Variants in TANK observed in about 807,000 individuals in gnomAD.
TANK encodes TRAF family member associated NFKB activator, also known as TRAF family member-associated NF-kappa-B activator.
TANK carries 15 observed loss-of-function variants against 43.6 expected under a neutral mutation model. The ratio of observed to expected loss-of-function variants is 0.34; its 90% CI spans 0.23 to 0.53. TANK has a LOEUF of 0.53. Ranked by LOEUF, TANK falls within the 20% of genes least tolerant of loss-of-function variation. The probability of loss-of-function intolerance (pLI) is 0.94; values close to 1 mark genes in which losing one functional copy is unlikely to be tolerated. For synonymous variants in TANK, 162 were observed against 178.2 expected (o/e 0.91, Z 0.73); for missense variants, 417 against 498.6 (o/e 0.84, Z 1.56).
upstream of TANK, among the ~76,000 whole-genome samples, chr2:161,157,366 C>T (rs1684255019): frequency 6.6e-6 from 1 of 152,182 alleles, no homozygotes; most frequent in Non-Finnish European, 1.5e-5. Context: ...CAAGGCTTTG[C>T]AACTGAGCAC....
At position 161,235,660 on chromosome 2, in the gene TANK, ACTATATAAC is replaced by A; in HGVS notation, c.*143_*151del. 1 of 618,778 alleles carries A rather than the reference ACTATATAAC, an allele frequency of 1.6e-6. No individual in the cohort carries two copies. Among genetic ancestry groups the A allele is most frequent in the Admixed American group, 3.6e-5 (1 of 27,846 alleles). 38.3% of individuals were successfully genotyped at this position (618,778 alleles called of 1,614,324 possible). A position where few individuals can be genotyped will look rare whatever the true frequency, so the allele number is the denominator to read the frequency against. On this transcript the variant is annotated 3_prime_UTR_variant, in exon 8 of 8. Coordinates refer to ENST00000392749, the MANE Select transcript of TANK (RefSeq NM_001199135.3). ...GCTATTTGAATTTTTTTCTGGATTTACTATATAACTCTTATTTTTTAAAAGATCATTCTG... is the reference window on the plus strand; with the variant it reads ...GCTATTTGAATTTTTTTCTGGATTTATCTTATTTTTTAAAAGATCATTCTG...
At chr2:161,206,415 T>C (rs1686655959) in intron 4 of TANK, among the ~76,000 whole-genome samples, 1 of 152,100 alleles carries the variant, frequency 6.6e-6, no homozygotes, top group African/African-American at 2.4e-5. Flanking sequence ...CTAAATAAAG[T>C]AGGAGATTTT....
Position 161,207,079 on chromosome 2 carries a change from A to G in TANK, c.327+2286A>G, listed in dbSNP as rs576606001. On this transcript the variant is annotated intron_variant, in intron 4 of 7. Transcript: ENST00000392749. ...AAGTTTTAGAGTTTATTTTCAGTCA[A>G]TAAGTATCAAAAGCAGACCTTCAAT... 1.2e-3 allele frequency among the ~76,000 whole-genome samples: 177 copies of G among 152,206 alleles called. 1 individual carries two copies. Among genetic ancestry groups the G allele is most frequent in the African/African-American group, 4.0e-3 (167 of 41,568 alleles).
chr2:161,143,516 T>C (rs1474558582), intron 1 of TANK, among the ~76,000 whole-genome samples: 1 of 152,238 alleles, frequency 6.6e-6, no homozygotes, highest in African/African-American at 2.4e-5. Flanking sequence ...TGAGAGATTT[T>C]AACATGAAGG....
chr2:161,137,652 C>A (rs1683625396), intron 1 of TANK, among the ~76,000 whole-genome samples: 1 of 152,010 alleles, frequency 6.6e-6, no homozygotes, highest in Non-Finnish European at 1.5e-5. Context: ...AAAAATCGAT[C>A]CTGGCCTGAT....
chr2:161,197,221 A>T (rs1017613481), intron 2 of TANK: 2 of 152,212 alleles, frequency 1.3e-5, no homozygotes, highest in Non-Finnish European at 2.9e-5. Flanking sequence ...TTTTCAACAA[A>T]TGTGCGATTT....
At chr2:161,158,649 A>G (rs1199267884), upstream of TANK, among the ~76,000 whole-genome samples, 1 of 152,242 alleles carries the variant, frequency 6.6e-6, no homozygotes, top group East Asian at 1.9e-4. Flanking sequence ...CACTATTTCA[A>G]TCAGAAATCT....
upstream of TANK, among the ~76,000 whole-genome samples, chr2:161,155,463 A>G (rs1439040463): frequency 6.6e-6 from 1 of 152,210 alleles, no homozygotes; most frequent in Non-Finnish European, 1.5e-5. Flanking sequence ...TAAGGGAAGC[A>G]TATCTTCAAT....
At position 161,227,367 on chromosome 2, in the gene TANK, T is replaced by TTC. The variant is rs1687684721; in HGVS notation, c.520+2627_520+2628dup. Among the ~76,000 whole-genome samples the TTC allele has an allele frequency of 2.0e-5, 3 of 152,174 alleles. No individual in the cohort carries two copies. The South Asian group carries it at 6.2e-4, about 31-fold the overall frequency. On this transcript the variant is annotated intron_variant, in intron 6 of 7. Coordinates refer to ENST00000392749, the MANE Select transcript of TANK (RefSeq NM_001199135.3). ...AGCACATTTCTGTCAATTTGGGGAC[T>TTC]TCTCTCTATATATAGAAACCAACAT...
At chr2:161,140,782 T>C (rs1218642589) in intron 1 of TANK, among the ~76,000 whole-genome samples, 2 of 152,046 alleles carry the variant, frequency 1.3e-5, no homozygotes, top group Non-Finnish European at 2.9e-5. Flanking sequence ...TTTTATTTCC[T>C]CTTTGATCAG....
intron 7 of TANK, among the ~76,000 whole-genome samples, chr2:161,234,056 A>C (rs1377389474): frequency 6.6e-6 from 1 of 152,196 alleles, no homozygotes; most frequent in South Asian, 2.1e-4. Context: ...CAGCATTATT[A>C]TAAGTCCTCC....
intron 2 of TANK, among the ~76,000 whole-genome samples, chr2:161,180,914 T>TC (rs1327057427): frequency 6.6e-6 from 1 of 151,902 alleles, no homozygotes; most frequent in Non-Finnish European, 1.5e-5. Context: ...TTTTTTTTTT[T>TC]TTTTTGAGGA....
At chr2:161,194,069 TGA>T (rs1216454962) in intron 2 of TANK, among the ~76,000 whole-genome samples, 1 of 152,168 alleles carries the variant, frequency 6.6e-6, no homozygotes, top group Non-Finnish European at 1.5e-5. Flanking sequence ...CACTGTTCCA[TGA>T]GAGAAATTTC....
intron 4 of TANK, chr2:161,207,896 ATTCTATTTTT>A: frequency 1.0e-6 from 1 of 983,872 alleles, no homozygotes; most frequent in Non-Finnish European, 1.2e-6. Context: ...ATTCTTTTTT[ATTCTATTTTT>A]AATATACTTT....
At chr2:161,164,602 TTGGTCACTGTTCAAATAAGTTGA>T (rs1684591239) in intron 1 of TANK, among the ~76,000 whole-genome samples, 1 of 152,190 alleles carries the variant, frequency 6.6e-6, no homozygotes, top group Non-Finnish European at 1.5e-5. Context: ...AGTGCAGTAT[TTGGTCACTGTTCAAATAAGTTGA>T]GGGTAACTGG....
At chr2:161,148,517 TA>T (rs1683980256) in intron 1 of TANK, among the ~76,000 whole-genome samples, 1 of 152,218 alleles carries the variant, frequency 6.6e-6, no homozygotes, top group Non-Finnish European at 1.5e-5. Flanking sequence ...TTTAAAGTTT[TA>T]AAAAATTATT....
intron 1 of TANK, among the ~76,000 whole-genome samples, chr2:161,146,215 TA>T (rs1244382599): frequency 1.3e-5 from 2 of 152,168 alleles, no homozygotes; most frequent in African/African-American, 4.8e-5. Context: ...TTCCATTTAG[TA>T]GCTCCTATAG....
intron 2 of TANK, among the ~76,000 whole-genome samples, chr2:161,193,428 C>T (rs1686008329): frequency 1.3e-5 from 2 of 152,146 alleles, no homozygotes; most frequent in Non-Finnish European, 2.9e-5. Context: ...TAAAAGTTGA[C>T]TTTTGTCTGT....
intron 6 of TANK, among the ~76,000 whole-genome samples, chr2:161,227,479 T>A (rs1687691588): frequency 6.6e-6 from 1 of 152,204 alleles, no homozygotes; most frequent in Non-Finnish European, 1.5e-5. Flanking sequence ...ACTATAATAG[T>A]TGTGTGGCCT....
Sources: gnomAD v4.1 joint callset for allele counts (sites outside exome capture counted in the v4.1 genomes callset) on GRCh38, gnomAD v4.1.1 for gene constraint, MANE v1.5 for transcripts, NCBI Gene and HGNC (gene_info 2026-07-23, HGNC 2026-07-21) for gene names.